Variants in CTNNBL1 observed in about 807,000 individuals in gnomAD.
The protein encoded by CTNNBL1 is catenin beta like 1.
CTNNBL1 carries 31 observed loss-of-function variants against 72.7 expected under a neutral mutation model. The ratio of observed to expected loss-of-function variants is 0.43; its 90% CI spans 0.32 to 0.58. The LOEUF (loss-of-function observed/expected upper bound fraction) is 0.58. Among genes scored for constraint, CTNNBL1 ranks in the 20% least tolerant of loss-of-function variants. CTNNBL1 has a pLI of 0.08. For missense variants in CTNNBL1, 534 were observed against 725.1 expected (o/e 0.74, Z 3.03); for synonymous variants, 240 against 267.3 (o/e 0.90, Z 1.00).
At chr20:37,712,893 G>A (rs2072950758) in intron 1 of CTNNBL1, among the ~76,000 whole-genome samples, 1 of 152,240 alleles carries the variant, frequency 6.6e-6, no homozygotes, top group Non-Finnish European at 1.5e-5. Context: ...CTAATTTTCA[G>A]TGCATCTCTT....
At chr20:37,799,286 G>A (rs549050086) in intron 10 of CTNNBL1, among the ~76,000 whole-genome samples, 5 of 152,116 alleles carry the variant, frequency 3.3e-5, no homozygotes, top group African/African-American at 1.2e-4. Context: ...ATGCCTTCTC[G>A]ACATCTACAG....
intron 7 of CTNNBL1, among the ~76,000 whole-genome samples, chr20:37,770,899 C>T (rs898388056): frequency 6.6e-6 from 1 of 152,174 alleles, no homozygotes; most frequent in Non-Finnish European, 1.5e-5. Flanking sequence ...AAGGGTGAGG[C>T]CAGCAAGAGG....
chr20:37,792,324 G>GT (rs1568782781), intron 10 of CTNNBL1, among the ~76,000 whole-genome samples: 2 of 151,594 alleles, frequency 1.3e-5, no homozygotes, highest in African/African-American at 4.9e-5. Context: ...CTTTCTCTCT[G>GT]TGTGTTTGTG....
chr20:37,858,027 A>C (rs1231858855), intron 13 of CTNNBL1, among the ~76,000 whole-genome samples: 1 of 152,174 alleles, frequency 6.6e-6, no homozygotes. Context: ...CCCTGTCTCT[A>C]CACACACAAA....
chr20:37,703,900 C>T (rs1449660013), intron 1 of CTNNBL1, among the ~76,000 whole-genome samples: 1 of 151,972 alleles, frequency 6.6e-6, no homozygotes, highest in Non-Finnish European at 1.5e-5. Context: ...GCCTCAGCCT[C>T]CTGAGTCGCC....
At position 37,836,578 on chromosome 20, in the gene CTNNBL1, C is replaced by A. The variant is rs911331135; in HGVS notation, c.1214-3524C>A. On this transcript the variant is annotated intron_variant, in intron 11 of 15. Transcript: ENST00000361383. ...AGTCAGTTGTCCCTCCTCTATGTTG[C>A]CCACGTCCTGTTTGCCTCCCTCAGT... Among the ~76,000 whole-genome samples, 8 of 152,178 alleles carry A rather than the reference C, an allele frequency of 5.3e-5. No individual in the cohort carries two copies. The East Asian group carries it at 1.5e-3, about 29-fold the overall frequency.
chr20:37,753,578 C>A (rs758945064), intron 4 of CTNNBL1, among the ~76,000 whole-genome samples: 1 of 152,112 alleles, frequency 6.6e-6, no homozygotes, highest in Non-Finnish European at 1.5e-5. Context: ...CATTGTGACC[C>A]GGAAAGGGGG....
chr20:37,746,699 A>G (rs1433072812), intron 4 of CTNNBL1, 92 bp downstream of exon 4: 7 of 1,411,228 alleles, frequency 5.0e-6, no homozygotes, highest in African/African-American at 1.4e-5. Flanking sequence ...GATGTGTGCT[A>G]TAAAATCTGA....
chr20:37,707,974 C>CA (rs2122553388), intron 1 of CTNNBL1, among the ~76,000 whole-genome samples: 1 of 152,168 alleles, frequency 6.6e-6, no homozygotes, highest in Admixed American at 6.5e-5. Flanking sequence ...TTGAGGCACT[C>CA]AGAACACACA....
At chr20:37,798,771 T>C (rs982276365) in intron 10 of CTNNBL1, among the ~76,000 whole-genome samples, 2 of 152,230 alleles carry the variant, frequency 1.3e-5, no homozygotes, top group Admixed American at 6.5e-5. Flanking sequence ...TTCTGTGTTA[T>C]TTGTGAAATG....
chr20:37,746,391 G>T (rs906785990), intron 3 of CTNNBL1, 77 bp from the exon 4 acceptor site: 18 of 1,510,684 alleles, frequency 1.2e-5, no homozygotes, highest in South Asian at 2.4e-5. Context: ...TTGCCTTGTT[G>T]TCTAGATTGT....
chr20:37,712,880 A>C (rs577347085), intron 1 of CTNNBL1, among the ~76,000 whole-genome samples: 3 of 152,242 alleles, frequency 2.0e-5, no homozygotes, highest in Non-Finnish European at 4.4e-5. Context: ...GGTGGGCACC[A>C]CCCTAATTTT....
chr20:37,867,234 G>C (rs1385398130), intron 15 of CTNNBL1, among the ~76,000 whole-genome samples: 1 of 152,036 alleles, frequency 6.6e-6, no homozygotes, highest in Non-Finnish European at 1.5e-5. Flanking sequence ...CATCTTCAAG[G>C]GTTTTCAATG....
Position 37,777,412 on chromosome 20 carries a change from A to T in CTNNBL1, c.818A>T (p.Asn273Ile). 1 of 1,613,868 alleles carries T rather than the reference A, an allele frequency of 6.2e-7. No individual in the cohort carries two copies. Among genetic ancestry groups the T allele is most frequent in the Non-Finnish European group, 8.5e-7 (1 of 1,179,746 alleles). ...GTGCTGGCCATATTGCTCCAGGACA[A>T]TGATGGTGAGGCGCCCTCTCAGTAT... ...SEVLAILLQD[N>I]DENRELLGEL... Residue 273 changes from asparagine (N) to isoleucine (I), a missense_variant, in exon 8 of 16, where the codon AAT (asparagine) becomes ATT (isoleucine). By Grantham distance (149) the Asn-to-Ile change is moderately radical. Transcript: ENST00000361383.
At chr20:37,761,076 T>C (rs969969904) in intron 5 of CTNNBL1, among the ~76,000 whole-genome samples, 3 of 151,746 alleles carry the variant, frequency 2.0e-5, no homozygotes, top group African/African-American at 7.3e-5. Flanking sequence ...TCTGTGGACA[T>C]GAAGAGAGAG....
chr20:37,731,927 C>A (rs1401884985), intron 1 of CTNNBL1, among the ~76,000 whole-genome samples: 3 of 152,078 alleles, frequency 2.0e-5, no homozygotes, highest in African/African-American at 7.2e-5. Context: ...GGTTACATAC[C>A]CAAAAGTGGG....
Position 37,777,705 on chromosome 20 carries a change from A to G in CTNNBL1, c.875A>G (p.Gln292Arg). 3 of 1,613,698 alleles carry G rather than the reference A, an allele frequency of 1.9e-6. No individual in the cohort carries two copies. The highest frequency in any genetic ancestry group is 2.5e-6 in the Non-Finnish European group (3 of 1,179,672). The change falls in exon 9 of 16, where the codon CAG becomes CGG. Residue 292 changes from glutamine (Q) to arginine (R), a missense_variant. Transcript: ENST00000361383. ...ELDGIDVLLQQLSVFKRHNPS... is the reference protein window; with the variant it reads ...ELDGIDVLLQRLSVFKRHNPS... ...GATGGAATCGATGTGCTTCTTCAGC[A>G]GTTATCCGTGAGTAATTCTTATGCT...
intron 5 of CTNNBL1, among the ~76,000 whole-genome samples, chr20:37,758,826 G>T (rs1185379285): frequency 5.3e-5 from 8 of 152,212 alleles, no homozygotes; most frequent in African/African-American, 1.7e-4. Context: ...TGGGCTGCTT[G>T]TTTGGCTACT....
chr20:37,801,687 G>GA (rs1249282614), intron 10 of CTNNBL1, among the ~76,000 whole-genome samples: 3 of 152,140 alleles, frequency 2.0e-5, no homozygotes, highest in Non-Finnish European at 4.4e-5. Flanking sequence ...GTTCAACTAG[G>GA]AATAGAAGAG....
Sources: gnomAD v4.1 joint callset for allele counts (sites outside exome capture counted in the v4.1 genomes callset) on GRCh38, gnomAD v4.1.1 for gene constraint, MANE v1.5 for transcripts, NCBI Gene and HGNC (gene_info 2026-07-23, HGNC 2026-07-21) for gene names.